The following DOC2B variants were observed in gnomAD, a reference collection of about 807,000 sequenced individuals.
DOC2B encodes the protein double C2 domain beta, also known as double C2-like domain-containing protein beta.
DOC2B carries 21 observed loss-of-function variants against 28.9 expected under a neutral mutation model. The observed-to-expected ratio is 0.73, with a 90% CI of 0.52 to 1.05. The LOEUF (loss-of-function observed/expected upper bound fraction) is 1.05, where lower values mean the gene tolerates loss of function less well. DOC2B is among the 50% of genes least tolerant of loss of function. The pLI is 0.00. For missense variants in DOC2B, 384 were observed against 421.1 expected (o/e 0.91, Z 0.77); for synonymous variants, 194 against 178.1 (o/e 1.09, Z -0.71).
intron 1 of DOC2B, among the ~76,000 whole-genome samples, chr17:176,335 AC>A (rs1214006751): frequency 6.7e-6 from 1 of 150,194 alleles, no homozygotes; most frequent in Non-Finnish European, 1.5e-5. Flanking sequence ...GGCGCCCACC[AC>A]CATGCCCGGC....
chr17:152,949 A>G (rs775368087), intron 6 of DOC2B, among the ~76,000 whole-genome samples: 26 of 151,930 alleles, frequency 1.7e-4, no homozygotes, highest in South Asian at 6.2e-4. Context: ...CCCTCTTACC[A>G]TCTAATCTGT....
rs574089430 is a variant in DOC2B at position 181,058 on chromosome 17, G to A, written c.373+49C>T. The stretch of plus-strand genomic sequence containing the variant: ...GAAGCCGCGAGGCCGTGGGGGGGCC[G>A]AGCCCGAGCCAGGGGAGGGGGCGCG... On this transcript the variant is annotated intron_variant, in intron 1 of 8. Coordinates refer to ENST00000613549, the MANE Select transcript of DOC2B (RefSeq NM_003585.5). The surrounding 1 kb of genome is among the most constrained non-coding windows in gnomAD (Gnocchi z 7.0). 1.7e-4 allele frequency: 213 copies of A among 1,219,518 alleles called. No homozygotes were observed. The highest frequency in any genetic ancestry group is 2.5e-4 in the African/African-American group (16 of 63,584). The allele number at this position is 1,219,518 out of a possible 1,614,324, so 75.5% of individuals were successfully genotyped here. A position where few individuals can be genotyped will look rare whatever the true frequency, so the allele number is the denominator to read the frequency against.
intron 3 of DOC2B, among the ~76,000 whole-genome samples, chr17:162,429 A>G (rs551224791): frequency 6.6e-6 from 1 of 152,242 alleles, no homozygotes; most frequent in East Asian, 1.9e-4. Flanking sequence ...AGAAGAATGG[A>G]CAGAGAAGAC....
intron 6 of DOC2B, among the ~76,000 whole-genome samples, chr17:152,178 A>C (rs2151459408): frequency 6.6e-6 from 1 of 152,268 alleles, no homozygotes; most frequent in South Asian, 2.1e-4. Context: ...CTGGTTATAC[A>C]TAAGACAGCC....
Position 181,347 on chromosome 17 carries a change from G to A in DOC2B, c.133C>T (p.Pro45Ser), listed in dbSNP as rs1471949149. 3.5e-6 allele frequency: 4 copies of A among 1,130,278 alleles called. No individual in the cohort carries two copies. Among genetic ancestry groups the A allele is most frequent in the Admixed American group, 9.6e-5 (2 of 20,864 alleles). The allele number at this position is 1,130,278 out of a possible 1,614,324, so 70.0% of individuals were successfully genotyped here. Residue 45 changes from proline (P) to serine (S), a missense_variant, in exon 1 of 9, where the codon CCC becomes TCC. Coordinates refer to ENST00000613549, the MANE Select transcript of DOC2B (RefSeq NM_003585.5). The surrounding 1 kb of genome is among the most constrained non-coding windows in gnomAD (Gnocchi z 7.0). Reference protein sequence around the residue: ...DYFPRFPRGLPPDAGPRAAAP... With the variant: ...DYFPRFPRGLSPDAGPRAAAP... ...GCGGCTCGGGGCCCGGCGTCCGGGG[G>A]CAGGCCCCGCGGGAAGCGGGGGAAG...
At position 162,880 on chromosome 17, in the gene DOC2B, G is replaced by A. The variant is rs185278706; in HGVS notation, c.529-690C>T. Among the ~76,000 whole-genome samples, 307 of 152,204 alleles carry A rather than the reference G, an allele frequency of 2.0e-3. 3 individuals are homozygous for A. Among genetic ancestry groups the A allele is most frequent in the African/African-American group, 7.1e-3 (294 of 41,532 alleles). On this transcript the variant is annotated intron_variant, in intron 3 of 8. Transcript: ENST00000613549. ...CCCATCCCGTCCTTGGGTCTGCCTC[G>A]GGGGTGGCCTCTCCGAGCTGGAATA...
intron 6 of DOC2B, among the ~76,000 whole-genome samples, chr17:151,468 C>T (rs952830193): frequency 3.9e-5 from 6 of 152,098 alleles, no homozygotes; most frequent in African/African-American, 1.4e-4. Context: ...ATAAGCATTC[C>T]CTTTGAGCGT....
At chr17:174,616 G>C (rs1597834981) in intron 1 of DOC2B, among the ~76,000 whole-genome samples, 1 of 152,294 alleles carries the variant, frequency 6.6e-6, no homozygotes, top group Non-Finnish European at 1.5e-5. Context: ...AGGCAAAAGG[G>C]GACACGAAGC....
chr17:174,364 G>A (rs1160191335), intron 1 of DOC2B, among the ~76,000 whole-genome samples: 1 of 152,222 alleles, frequency 6.6e-6, no homozygotes, highest in South Asian at 2.1e-4. Context: ...AGCACAGTGT[G>A]CCTGCGGTGT....
rs190823135 is a variant in DOC2B, at chr17:173,861, G to A, written c.374-1245C>T. Among the ~76,000 whole-genome samples, 214 of 152,302 alleles carry A rather than the reference G, an allele frequency of 1.4e-3. 1 individual carries two copies. Among genetic ancestry groups the A allele is most frequent in the African/African-American group, 5.0e-3 (206 of 41,572 alleles). On this transcript the variant is annotated intron_variant, in intron 1 of 8. Transcript: ENST00000613549. ...TGAAAGACTGTGTTCTTCAGGCTCT[G>A]AGCTAGGCTCCCAACCTGGATCTAG... is the stretch of plus-strand genomic sequence containing the variant.
At chr17:168,887 T>C (rs1218395785) in intron 2 of DOC2B, among the ~76,000 whole-genome samples, 2 of 152,226 alleles carry the variant, frequency 1.3e-5, no homozygotes, top group African/African-American at 2.4e-5. Context: ...CCAATAAACC[T>C]CTTTCCTTTA....
chr17:162,146 G>A lies in DOC2B; in HGVS notation c.573C>T (p.Pro191=). ...AGTAAGTGAGGGTCTCGTTCCATGT[G>A]GGGTTCAGAGTGTTACGGAGAGTTT... The part of the protein sequence containing the change: ...RTKTLRNTLN[P]TWNETLTYYG... The change falls in exon 4 of 9, where the codon CCC becomes CCT. Residue 191 remains proline, a synonymous_variant. Transcript: ENST00000613549. 2.6e-6 allele frequency: 4 copies of A among 1,551,936 alleles called. No individual in the cohort carries two copies. The highest frequency in any genetic ancestry group is 3.5e-6 in the Non-Finnish European group (4 of 1,147,038).
At chr17:154,372 T>C (rs890670199) in intron 6 of DOC2B, among the ~76,000 whole-genome samples, 2 of 148,342 alleles carry the variant, frequency 1.3e-5, no homozygotes, top group Non-Finnish European at 3.0e-5. Context: ...TCCACGCACC[T>C]GCTACACTCC....
intron 6 of DOC2B, 80 bp downstream of exon 6, chr17:156,140 T>C: frequency 6.9e-7 from 1 of 1,450,252 alleles, no homozygotes; most frequent in South Asian, 1.4e-5. Flanking sequence ...GCCTGCCACC[T>C]GGGACCACGG....
At position 173,213 on chromosome 17, in the gene DOC2B, GGGGGGAGGGTGCAGCCATAATT is replaced by G. The variant is rs1567538165; in HGVS notation, c.374-619_374-598del. Among the ~76,000 whole-genome samples, 21 of 152,254 alleles carry G rather than the reference GGGGGGAGGGTGCAGCCATAATT, an allele frequency of 1.4e-4. 1 individual carries two copies. In the South Asian group the frequency reaches 4.1e-3, roughly 30 times the overall value. Reference sequence around the variant, plus strand: ...ATGGCAGTGGTAACTCCCAAAAGCCGGGGGGAGGGTGCAGCCATAATTGGGGGAGGTTGCAGCCATAATTGGG... The same window carrying G: ...ATGGCAGTGGTAACTCCCAAAAGCCGGGGGGAGGTTGCAGCCATAATTGGG... On this transcript the variant is annotated intron_variant, in intron 1 of 8. Coordinates refer to ENST00000613549, the MANE Select transcript of DOC2B (RefSeq NM_003585.5).
intron 2 of DOC2B, among the ~76,000 whole-genome samples, chr17:164,878 G>A (rs1453369674): frequency 6.6e-6 from 1 of 152,242 alleles, no homozygotes; most frequent in East Asian, 1.9e-4. Flanking sequence ...GGTGCACAGG[G>A]ATGCAGGGAG....
At chr17:175,069 T>C (rs1043895149) in intron 1 of DOC2B, among the ~76,000 whole-genome samples, 13 of 152,132 alleles carry the variant, frequency 8.5e-5, no homozygotes, top group African/African-American at 3.1e-4. Flanking sequence ...GAAACACCCA[T>C]TTCTACAAAA....
In DOC2B at chr17:143,733, T is replaced by C. The variant is rs1198917341; in HGVS notation, c.*3708A>G. The C allele has an allele frequency of 6.6e-6, 1 of 152,060 alleles. No individual in the cohort carries two copies. Among genetic ancestry groups the C allele is most frequent in the Non-Finnish European group, 1.5e-5 (1 of 68,014 alleles). The allele number at this position is 152,060 out of a possible 1,614,324, so 9.4% of individuals were successfully genotyped here. On this transcript the variant is annotated 3_prime_UTR_variant, in exon 9 of 9. Coordinates refer to ENST00000613549, the MANE Select transcript of DOC2B (RefSeq NM_003585.5). ...TCCATTTACTTTGGATTATATGTCA[T>C]TATAAATATTAACAAATAAGACTTA... is the stretch of plus-strand genomic sequence containing the variant.
chr17:172,344 C>T (rs887181496), intron 2 of DOC2B, among the ~76,000 whole-genome samples, 193 bp downstream of exon 2: 2 of 152,196 alleles, frequency 1.3e-5, no homozygotes, highest in African/African-American at 4.8e-5. Context: ...GCCTGACTGT[C>T]CAAGGCATTT....
Sources: gnomAD v4.1 joint callset for allele counts (sites outside exome capture counted in the v4.1 genomes callset) on GRCh38, gnomAD v4.1.1 for gene constraint, Gnocchi (gnomAD v3.1) non-coding constraint, MANE v1.5 for transcripts, NCBI Gene and HGNC (gene_info 2026-07-23, HGNC 2026-07-21) for gene names.